Variants in UNC13C observed in about 807,000 individuals in gnomAD.
The protein encoded by UNC13C is unc-13 homolog C.
UNC13C carries 174 observed loss-of-function variants against 245.4 expected under a neutral mutation model. The ratio of observed to expected loss-of-function variants is 0.71; its 90% CI spans 0.63 to 0.80. The LOEUF (loss-of-function observed/expected upper bound fraction) is 0.80, where lower values mean the gene tolerates loss of function less well. Among genes scored for constraint, UNC13C ranks in the 30% least tolerant of loss-of-function variants. UNC13C has a pLI of 0.00. For synonymous variants in UNC13C, 992 were observed against 895.1 expected (o/e 1.11, Z -1.93); for missense variants, 2,829 against 2,602.9 (o/e 1.09, Z -1.89).
chr15:54,229,449 G>C (rs1474464077), intron 4 of UNC13C, among the ~76,000 whole-genome samples: 1 of 152,088 alleles, frequency 6.6e-6, no homozygotes, highest in Non-Finnish European at 1.5e-5. Flanking sequence ...TTCCTTGAAA[G>C]CTGACAGTCT....
intron 11 of UNC13C, 129 bp from the exon 12 acceptor site, chr15:54,297,682 G>T: frequency 1.4e-6 from 1 of 695,262 alleles, no homozygotes; most frequent in South Asian, 1.6e-5. Context: ...AAGCAGCTCT[G>T]ACTCAGAAAA....
intron 17 of UNC13C, among the ~76,000 whole-genome samples, chr15:54,383,046 A>C (rs1294572074): frequency 6.6e-6 from 1 of 152,188 alleles, no homozygotes; most frequent in African/African-American, 2.4e-5. Context: ...ACATTGAATC[A>C]GTAATGGAAA....
intron 17 of UNC13C, among the ~76,000 whole-genome samples, chr15:54,382,042 G>A (rs976733091): frequency 6.9e-4 from 105 of 152,256 alleles, no homozygotes; most frequent in African/African-American, 2.4e-3. Context: ...ATTATGTAAT[G>A]TATCTTCTCA....
intron 18 of UNC13C, among the ~76,000 whole-genome samples, chr15:54,410,818 T>C (rs1179705269): frequency 1.3e-5 from 2 of 152,232 alleles, no homozygotes; most frequent in East Asian, 3.8e-4. Flanking sequence ...TCTTTTTTCT[T>C]AAGATTATTT....
chr15:53,926,534 A>G, the UNC13C span, among the ~76,000 whole-genome samples: 3 of 152,214 alleles, frequency 2.0e-5, no homozygotes, highest in Non-Finnish European at 4.4e-5. Flanking sequence ...GTTGTATCCT[A>G]TATTCCATGC....
chr15:54,590,021 C>A (rs1399063706), intron 30 of UNC13C, among the ~76,000 whole-genome samples: 1 of 152,166 alleles, frequency 6.6e-6, no homozygotes, highest in Non-Finnish European at 1.5e-5. Flanking sequence ...AGCCAATTAT[C>A]CCAGCACCAT....
chr15:54,015,837 G>A lies in UNC13C; in HGVS notation c.2934G>A (p.Arg978=). The A allele has an allele frequency of 6.2e-7, 1 of 1,606,548 alleles. No individual in the cohort carries two copies. The highest frequency in any genetic ancestry group is 8.5e-7 in the Non-Finnish European group (1 of 1,177,102). Residue 978 remains arginine, a synonymous_variant, in exon 2 of 33, where the codon AGG becomes AGA. Coordinates refer to ENST00000260323, the MANE Select transcript of UNC13C (RefSeq NM_001080534.3). ...IRPSFKEAAL[R]AYKKQMAELE... is the part of the protein sequence containing the mutation. ...CTTCTTTCAAAGAAGCAGCTTTAAGGGCCTATAAAAAGCAAATGGCAGAGT... is the reference window on the plus strand; with the variant it reads ...CTTCTTTCAAAGAAGCAGCTTTAAGAGCCTATAAAAAGCAAATGGCAGAGT...
chr15:54,321,903 C>G, intron 13 of UNC13C, 36 bp from the exon 14 acceptor site: 3 of 1,534,854 alleles, frequency 2.0e-6, no homozygotes, highest in Non-Finnish European at 2.6e-6. Flanking sequence ...TAATTAATTT[C>G]TGTCTTAAAA....
At chr15:54,095,643 T>C (rs1002420293) in intron 2 of UNC13C, among the ~76,000 whole-genome samples, 3 of 152,210 alleles carry the variant, frequency 2.0e-5, no homozygotes, top group Non-Finnish European at 4.4e-5. Flanking sequence ...TCTGCGTTTT[T>C]ACCTGGTGCC....
At chr15:54,142,045 C>T (rs936357944) in intron 2 of UNC13C, among the ~76,000 whole-genome samples, 1 of 152,108 alleles carries the variant, frequency 6.6e-6, no homozygotes, top group African/African-American at 2.4e-5. Flanking sequence ...AGCATTTTGC[C>T]AACTTGTATC....
chr15:54,107,713 C>G (rs182694063), intron 2 of UNC13C, among the ~76,000 whole-genome samples: 2 of 152,224 alleles, frequency 1.3e-5, no homozygotes, highest in East Asian at 3.9e-4. Flanking sequence ...AGAGTAGAGT[C>G]CTTTCTCAAG....
intron 10 of UNC13C, among the ~76,000 whole-genome samples, chr15:54,266,787 A>G (rs2036559351): frequency 6.6e-6 from 1 of 152,072 alleles, no homozygotes; most frequent in South Asian, 2.1e-4. Context: ...TTTATGCCTC[A>G]TGGAAAGTCA....
intron 2 of UNC13C, among the ~76,000 whole-genome samples, chr15:54,055,583 T>C (rs1029904599): frequency 1.3e-5 from 2 of 152,194 alleles, no homozygotes; most frequent in East Asian, 3.8e-4. Context: ...ATGTGAGTAT[T>C]TGATGCTTTT....
the UNC13C span, among the ~76,000 whole-genome samples, chr15:53,926,708 G>A: frequency 6.7e-6 from 1 of 149,450 alleles, no homozygotes; most frequent in South Asian, 2.2e-4. Context: ...CACCACAAAG[G>A]AAGCGAGTAA....
At chr15:54,382,592 A>G (rs957257433) in intron 17 of UNC13C, among the ~76,000 whole-genome samples, 1 of 152,026 alleles carries the variant, frequency 6.6e-6, no homozygotes, top group Admixed American at 6.6e-5. Flanking sequence ...CAAACAAAAA[A>G]CAACAATGAA....
intron 2 of UNC13C, among the ~76,000 whole-genome samples, chr15:54,091,027 A>T (rs1172899745): frequency 7.6e-6 from 1 of 131,698 alleles, no homozygotes; most frequent in Non-Finnish European, 1.6e-5. Context: ...CATCCCAAAA[A>T]GCCTGTAAGT....
chr15:54,170,507 G>C (rs772058926), intron 4 of UNC13C, among the ~76,000 whole-genome samples: 13 of 152,118 alleles, frequency 8.5e-5, no homozygotes, highest in Admixed American at 4.6e-4. Flanking sequence ...GGTACTGAGA[G>C]ACTGTCAAGT....
At chr15:54,549,742 C>CT in intron 28 of UNC13C, 51 bp downstream of exon 28, 2 of 1,232,738 alleles carry the variant, frequency 1.6e-6, no homozygotes, top group Non-Finnish European at 2.3e-6. Flanking sequence ...GAGTTAACTA[C>CT]AGTTCTGCAA....
At chr15:54,618,339 C>T (rs975438455) in intron 30 of UNC13C, among the ~76,000 whole-genome samples, 5 of 152,116 alleles carry the variant, frequency 3.3e-5, no homozygotes, top group Non-Finnish European at 7.4e-5. Context: ...TGACAAAGGG[C>T]ATGTTGTAGA....
Sources: gnomAD v4.1 joint callset for allele counts (sites outside exome capture counted in the v4.1 genomes callset) on GRCh38, gnomAD v4.1.1 for gene constraint, MANE v1.5 for transcripts, NCBI Gene and HGNC (gene_info 2026-07-23, HGNC 2026-07-21) for gene names.